LIMCH1: variants seen among roughly 807,000 people sequenced by gnomAD.
LIMCH1 encodes the protein LIM and calponin homology domains-containing protein 1.
In LIMCH1, 113 loss-of-function variants were observed where a neutral mutation model predicts 176.5. The ratio of observed to expected loss-of-function variants is 0.64; its 90% CI spans 0.55 to 0.75. LIMCH1 has a LOEUF of 0.75. LIMCH1 is among the 30% of genes least tolerant of loss of function. The pLI is 0.00. For synonymous variants in LIMCH1, 619 were observed against 645.9 expected (o/e 0.96, Z 0.63); for missense variants, 1,674 against 1,814.9 (o/e 0.92, Z 1.41).
At chr4:41,672,670 T>G (rs996403813) in intron 22 of LIMCH1, among the ~76,000 whole-genome samples, 2 of 152,224 alleles carry the variant, frequency 1.3e-5, no homozygotes, top group Admixed American at 1.3e-4. Flanking sequence ...GCTGTGGACA[T>G]TCCTTGCTGC....
intron 18 of LIMCH1, among the ~76,000 whole-genome samples, chr4:41,653,153 C>T (rs922492775): frequency 6.6e-6 from 1 of 152,050 alleles, no homozygotes; most frequent in Non-Finnish European, 1.5e-5. Context: ...TGGCTCATTA[C>T]TCAAATACTC....
At chr4:41,542,001 A>G (rs2078724098) in intron 1 of LIMCH1, among the ~76,000 whole-genome samples, 1 of 152,144 alleles carries the variant, frequency 6.6e-6, no homozygotes, top group Non-Finnish European at 1.5e-5. Flanking sequence ...GAACTCAGCC[A>G]TGCTTGTGGT....
chr4:41,424,174 T>A (rs1345289825), intron 1 of LIMCH1, among the ~76,000 whole-genome samples: 1 of 152,104 alleles, frequency 6.6e-6, no homozygotes, highest in Non-Finnish European at 1.5e-5. Context: ...CCTCCTTCTC[T>A]CCCTCTCTCT....
At chr4:41,536,725 C>T (rs1271422982), upstream of LIMCH1, among the ~76,000 whole-genome samples, 1 of 152,126 alleles carries the variant, frequency 6.6e-6, no homozygotes, top group Non-Finnish European at 1.5e-5. Context: ...TTCTTCAAAA[C>T]TGTCAAGGCC....
At chr4:41,693,757 T>C (rs1254818045) in intron 31 of LIMCH1, among the ~76,000 whole-genome samples, 2 of 152,300 alleles carry the variant, frequency 1.3e-5, no homozygotes, top group East Asian at 3.9e-4. Flanking sequence ...AATTATTCTT[T>C]TTCTCTACCT....
intron 2 of LIMCH1, among the ~76,000 whole-genome samples, chr4:41,519,267 G>A (rs1030569607): frequency 3.3e-5 from 5 of 152,146 alleles, no homozygotes; most frequent in South Asian, 2.1e-4. Flanking sequence ...GGGGTCTTCC[G>A]TGCCTTTCTT....
At chr4:41,615,799 T>C (rs1252200251) in intron 5 of LIMCH1, among the ~76,000 whole-genome samples, 2 of 152,218 alleles carry the variant, frequency 1.3e-5, no homozygotes, top group Admixed American at 6.5e-5. Flanking sequence ...TATCTTACCA[T>C]GAAATTATTC....
At chr4:41,539,342 G>T (rs974285040) in intron 1 of LIMCH1, among the ~76,000 whole-genome samples, 3 of 152,132 alleles carry the variant, frequency 2.0e-5, no homozygotes, top group African/African-American at 4.8e-5. Context: ...GTCCTGTGCT[G>T]CGCGGGTGGG....
chr4:41,408,087 G>A (rs554797149), intron 1 of LIMCH1, among the ~76,000 whole-genome samples: 4 of 152,302 alleles, frequency 2.6e-5, no homozygotes, highest in African/African-American at 7.2e-5. Context: ...TGTTCAAAAT[G>A]TCAGGTCGAA....
chr4:41,517,216 G>A (rs1264145492), intron 2 of LIMCH1, among the ~76,000 whole-genome samples: 2 of 152,140 alleles, frequency 1.3e-5, no homozygotes, highest in African/African-American at 4.8e-5. Flanking sequence ...TTGTTTGAGA[G>A]GGTTTTTAGG....
At chr4:41,693,297 A>G (rs1027657807) in intron 31 of LIMCH1, 4 of 152,240 alleles carry the variant, frequency 2.6e-5, no homozygotes, top group Admixed American at 2.6e-4. Context: ...GCCTTTTTAC[A>G]TGGATCTCAA....
chr4:41,608,601 G>A (rs2091034505), intron 4 of LIMCH1, among the ~76,000 whole-genome samples: 1 of 152,158 alleles, frequency 6.6e-6, no homozygotes, highest in South Asian at 2.1e-4. Flanking sequence ...CTATAGTAAA[G>A]GTGACCCAGG....
intron 1 of LIMCH1, among the ~76,000 whole-genome samples, chr4:41,492,073 G>A (rs886961890): frequency 1.3e-5 from 2 of 152,218 alleles, no homozygotes; most frequent in African/African-American, 4.8e-5. Flanking sequence ...GGAGGTTGTA[G>A]CCAGCCGAGA....
chr4:41,619,094 C>T (rs1202210118), intron 5 of LIMCH1, 94 bp from the exon 6 acceptor site: 7 of 1,392,604 alleles, frequency 5.0e-6, no homozygotes, highest in Non-Finnish European at 7.0e-6. Flanking sequence ...TCCTCAGAAC[C>T]CACAGATTGA....
rs1222927538 is a variant in LIMCH1, at chr4:41,613,600, C to T, written c.144C>T (p.Ser48=). The change falls in exon 5 of 32, where the codon TCC becomes TCT. Residue 48 remains serine, a synonymous_variant. Coordinates refer to ENST00000503057, the MANE Select transcript of LIMCH1 (RefSeq NM_001330672.2). ...GRDDSFDSLD[S]FGSRSRQTPS... ...ATGATTCCTTCGACAGCCTGGATTC[C>T]TTTGGCTCTCGCTCTCGGCAGACGC... 4 of 1,614,162 alleles carry T rather than the reference C, an allele frequency of 2.5e-6. No individual in the cohort carries two copies. The Admixed American group carries it at 6.7e-5, about 27-fold the overall frequency.
At chr4:41,666,497 T>C in intron 20 of LIMCH1, 64 bp from the exon 21 acceptor site, 1 of 958,198 alleles carries the variant, frequency 1.0e-6, no homozygotes, top group Non-Finnish European at 1.7e-6. Flanking sequence ...TTAAATTGTG[T>C]GTCACCTGTG....
rs143882082 is a variant in LIMCH1 at position 41,561,862 on chromosome 4, A to G, written c.-241+23512A>G. Among the ~76,000 whole-genome samples the G allele has an allele frequency of 5.3e-5, 8 of 152,318 alleles. No individual in the cohort carries two copies. In the East Asian group the frequency reaches 1.5e-3, roughly 29 times the overall value. ...AGAAATAGACGGATGTCACAAGAGC[A>G]TGCACTTCAGTAAACATTTGCTTGA... On this transcript the variant is annotated intron_variant, in intron 1 of 31. Transcript: ENST00000503057.
chr4:41,392,545 G>T (rs1194006698), intron 1 of LIMCH1, among the ~76,000 whole-genome samples: 1 of 152,190 alleles, frequency 6.6e-6, no homozygotes, highest in African/African-American at 2.4e-5. Flanking sequence ...ACCACAGATA[G>T]AGTAGCTAGT....
chr4:41,594,636 C>T (rs1291162925), intron 1 of LIMCH1, among the ~76,000 whole-genome samples: 2 of 152,188 alleles, frequency 1.3e-5, no homozygotes, highest in Non-Finnish European at 2.9e-5. Context: ...GCCTGGCTCC[C>T]CTCCAGCATC....
Sources: gnomAD v4.1 joint callset for allele counts (sites outside exome capture counted in the v4.1 genomes callset) on GRCh38, gnomAD v4.1.1 for gene constraint, MANE v1.5 for transcripts, NCBI Gene and HGNC (gene_info 2026-07-23, HGNC 2026-07-21) for gene names.